MYO5B: variants seen among roughly 807,000 people sequenced by gnomAD.
The protein encoded by MYO5B is unconventional myosin-Vb.
MYO5B carries 143 observed loss-of-function variants against 229.3 expected under a neutral mutation model. The observed-to-expected ratio is 0.62, with a 90% CI of 0.54 to 0.72. MYO5B has a LOEUF of 0.72. Ranked by LOEUF, MYO5B falls within the 30% of genes least tolerant of loss-of-function variation. The pLI is 0.00. For missense variants in MYO5B, 2,321 were observed against 2,331.0 expected, an observed-to-expected ratio of 1.00 and a Z score of 0.09; for synonymous variants, 918 against 885.2, an observed-to-expected ratio of 1.04 and a Z score of -0.66.
intron 1 of MYO5B, among the ~76,000 whole-genome samples, chr18:50,111,827 C>T (rs762313553): frequency 6.6e-6 from 1 of 152,216 alleles, no homozygotes; most frequent in Non-Finnish European, 1.5e-5. Flanking sequence ...TCTGAAGACT[C>T]TGCCTCTTAT....
intron 1 of MYO5B, among the ~76,000 whole-genome samples, chr18:50,089,319 A>C (rs1160468759): frequency 6.6e-6 from 1 of 152,286 alleles, no homozygotes; most frequent in South Asian, 2.1e-4. Flanking sequence ...CGGAGGTTGC[A>C]GTGAGCCAAG....
Position 49,929,501 on chromosome 18 carries a change from A to C in MYO5B, c.2090+11T>G. 6.2e-7 allele frequency: 1 copy of C among 1,600,752 alleles called. No individual in the cohort carries two copies. The highest frequency in any genetic ancestry group is 8.5e-7 in the Non-Finnish European group (1 of 1,174,198). ...CAGCCCCAGGAGGCAGCTGGCGGGC[A>C]CGTTAGTTACCTGGATGGGTAGCCA... On this transcript the variant is annotated intron_variant, in intron 17 of 39. Coordinates refer to ENST00000285039, the MANE Select transcript of MYO5B (RefSeq NM_001080467.3).
intron 1 of MYO5B, among the ~76,000 whole-genome samples, chr18:50,120,507 G>A (rs1262209480): frequency 6.6e-6 from 1 of 152,148 alleles, no homozygotes; most frequent in Admixed American, 6.5e-5. Flanking sequence ...GCACACCTAC[G>A]AAGTGGAACT....
chr18:49,831,130 A>T (rs1295744940), intron 39 of MYO5B, among the ~76,000 whole-genome samples: 1 of 152,214 alleles, frequency 6.6e-6, no homozygotes, highest in Non-Finnish European at 1.5e-5. Flanking sequence ...ACCTTATACC[A>T]TATACAAAAA....
intron 9 of MYO5B, among the ~76,000 whole-genome samples, chr18:49,975,183 G>C (rs1237404774): frequency 6.6e-6 from 1 of 152,136 alleles, no homozygotes; most frequent in Non-Finnish European, 1.5e-5. Context: ...CCTTTGACCC[G>C]ACCCATCTAA....
intron 1 of MYO5B, among the ~76,000 whole-genome samples, chr18:50,179,757 T>C (rs561498946): frequency 1.1e-4 from 17 of 152,308 alleles, no homozygotes; most frequent in Non-Finnish European, 1.8e-4. Context: ...GCTGGCCTAT[T>C]AGGCCACAGT....
chr18:50,164,786 C>T (rs949722617), intron 1 of MYO5B, among the ~76,000 whole-genome samples: 1 of 152,122 alleles, frequency 6.6e-6, no homozygotes, highest in African/African-American at 2.4e-5. Context: ...TGTTCCCCTC[C>T]CTGTGTCAGT....
intron 1 of MYO5B, among the ~76,000 whole-genome samples, chr18:50,174,078 C>CA (rs1475117984): frequency 6.6e-6 from 1 of 152,070 alleles, no homozygotes; most frequent in African/African-American, 2.4e-5. Context: ...AGAAGGAGGG[C>CA]AAATTCTCTC....
At chr18:50,031,428 C>T (rs1481432887) in intron 4 of MYO5B, among the ~76,000 whole-genome samples, 1 of 152,174 alleles carries the variant, frequency 6.6e-6, no homozygotes, top group East Asian at 1.9e-4. Context: ...GTGGGGATAA[C>T]TAATCTCAGA....
At chr18:50,163,995 T>C (rs543003179) in intron 1 of MYO5B, among the ~76,000 whole-genome samples, 69 of 152,304 alleles carry the variant, frequency 4.5e-4, no homozygotes, top group Admixed American at 1.5e-3. Flanking sequence ...ATATCAAAAA[T>C]TGTTCAAGTT....
At chr18:49,992,171 A>G (rs2025940214) in intron 6 of MYO5B, 117 bp downstream of exon 6, 1 of 1,394,744 alleles carries the variant, frequency 7.2e-7, no homozygotes. Flanking sequence ...GAACAACTAC[A>G]TTCAATTCCA....
chr18:49,853,605 C>T lies in MYO5B; in HGVS notation c.4065G>A (p.Glu1355=), dbSNP rs1156378913. The T allele has an allele frequency of 1.9e-6, 3 of 1,614,044 alleles. No homozygotes were observed. Among genetic ancestry groups the T allele is most frequent in the South Asian group, 2.2e-5 (2 of 91,086 alleles). Residue 1355 remains glutamate, a synonymous_variant, in exon 31 of 40, where the codon GAG becomes GAA. Coordinates refer to ENST00000285039, the MANE Select transcript of MYO5B (RefSeq NM_001080467.3). ...GAGCCTTGAGATGCTCCACCTCCTC[C>T]TCATGCTCCAGGCTCTGGGCCTGCA... ...AQLQAQSLEH[E]EEVEHLKAQL...
At chr18:50,158,258 T>C (rs931400840) in intron 1 of MYO5B, among the ~76,000 whole-genome samples, 1 of 152,178 alleles carries the variant, frequency 6.6e-6, no homozygotes, top group East Asian at 1.9e-4. Flanking sequence ...CAAGTAATTA[T>C]GGCACAAAGA....
intron 1 of MYO5B, among the ~76,000 whole-genome samples, chr18:50,134,130 ACATCAC>A (rs1297072128): frequency 1.3e-5 from 2 of 152,202 alleles, no homozygotes; most frequent in Non-Finnish European, 2.9e-5. Context: ...CAGAAGGAAA[ACATCAC>A]CATATTGCTT....
At position 49,988,404 on chromosome 18, in the gene MYO5B, G is replaced by C. The variant is rs528131035; in HGVS notation, c.838+2035C>G. Among the ~76,000 whole-genome samples, 184 of 152,256 alleles carry C rather than the reference G, an allele frequency of 1.2e-3. 2 individuals are homozygous for C. Among genetic ancestry groups the C allele is most frequent in the Non-Finnish European group, 2.3e-3 (154 of 68,010 alleles). ...TCTCAGAGGGCACATGAAGGTGAAAGAGTGGGAAAAAAATACTGATCAAAT... is the reference window on the plus strand; with the variant it reads ...TCTCAGAGGGCACATGAAGGTGAAACAGTGGGAAAAAAATACTGATCAAAT... On this transcript the variant is annotated intron_variant, in intron 7 of 39. Coordinates refer to ENST00000285039, the MANE Select transcript of MYO5B (RefSeq NM_001080467.3).
intron 1 of MYO5B, among the ~76,000 whole-genome samples, chr18:50,169,592 G>C (rs1278661921): frequency 7.8e-6 from 1 of 127,390 alleles, no homozygotes; most frequent in Non-Finnish European, 1.7e-5. Flanking sequence ...TGAAAGTCAA[G>C]GAAATACTGA....
chr18:50,174,993 T>G (rs998457129), intron 1 of MYO5B, among the ~76,000 whole-genome samples: 4 of 152,172 alleles, frequency 2.6e-5, no homozygotes, highest in Non-Finnish European at 4.4e-5. Flanking sequence ...TGGCACATCT[T>G]GGATCTGTCG....
chr18:49,837,847 A>T (rs755900274), intron 36 of MYO5B, 45 bp from the exon 37 acceptor site: 1 of 1,607,570 alleles, frequency 6.2e-7, no homozygotes, highest in South Asian at 1.1e-5. Context: ...CCCCACTAAC[A>T]ATGCAAAGAT....
chr18:49,929,003 A>G (rs114322329), intron 17 of MYO5B, among the ~76,000 whole-genome samples: 1,998 of 152,296 alleles, frequency 0.013, 47 homozygotes, highest in African/African-American at 0.046. Flanking sequence ...AAGACTATAC[A>G]TTAGGTACAG....
Sources: allele counts gnomAD v4.1 joint callset (sites outside exome capture counted in the v4.1 genomes callset), GRCh38; gene constraint gnomAD v4.1.1; transcripts MANE v1.5; gene names NCBI Gene and HGNC (gene_info 2026-07-23, HGNC 2026-07-21).